DNAH11: variants seen among roughly 807,000 people sequenced by gnomAD.
The protein encoded by DNAH11 is axonemal beta dynein heavy chain 11.
A neutral mutation model predicts 526.0 loss-of-function variants in DNAH11; 442 were observed. The observed-to-expected ratio is 0.84, with a 90% CI of 0.78 to 0.91. DNAH11 has a LOEUF of 0.91. DNAH11 is among the 40% of genes least tolerant of loss of function. The probability of loss-of-function intolerance (pLI) is 0.00; values close to 1 mark genes in which losing one functional copy is unlikely to be tolerated. For missense variants in DNAH11, 6,989 were observed against 5,448.7 expected, an observed-to-expected ratio of 1.28 and a Z score of -8.90; for synonymous variants, 2,461 against 1,935.9, an observed-to-expected ratio of 1.27 and a Z score of -7.12.
intron 8 of DNAH11, among the ~76,000 whole-genome samples, chr7:21,580,267 T>C (rs1784260317): frequency 6.6e-6 from 1 of 152,240 alleles, no homozygotes; most frequent in South Asian, 2.1e-4. Context: ...TCTATTACTA[T>C]ACTAAGAAGA....
chr7:21,844,564 C>T (rs1307842004), intron 66 of DNAH11, among the ~76,000 whole-genome samples: 1 of 152,218 alleles, frequency 6.6e-6, no homozygotes, highest in Non-Finnish European at 1.5e-5. Context: ...TATTTATTAT[C>T]TGGCCCTTTC....
chr7:21,606,224 G>C (rs778632475), intron 18 of DNAH11, among the ~76,000 whole-genome samples: 3 of 152,072 alleles, frequency 2.0e-5, no homozygotes, highest in Non-Finnish European at 4.4e-5. Context: ...TGGGGAGACT[G>C]AGCTGGGAGG....
At chr7:21,678,550 C>G (rs1400319641) in intron 30 of DNAH11, among the ~76,000 whole-genome samples, 1 of 151,552 alleles carries the variant, frequency 6.6e-6, no homozygotes, top group Non-Finnish European at 1.5e-5. Flanking sequence ...CTTGGTGATT[C>G]CATACAAATT....
At chr7:21,774,158 C>T (rs1312045679) in intron 56 of DNAH11, among the ~76,000 whole-genome samples, 159 bp downstream of exon 56, 3 of 152,144 alleles carry the variant, frequency 2.0e-5, no homozygotes, top group Non-Finnish European at 4.4e-5. Flanking sequence ...CTTTCAAAAG[C>T]CTACAATGGG....
At chr7:21,590,329 A>G (rs1320140349) in intron 12 of DNAH11, among the ~76,000 whole-genome samples, 4 of 152,160 alleles carry the variant, frequency 2.6e-5, no homozygotes, top group Admixed American at 6.5e-5. Context: ...TCTATTTACC[A>G]CCATGGGTAT....
chr7:21,653,202 G>C (rs955567546), intron 28 of DNAH11, among the ~76,000 whole-genome samples: 1 of 152,164 alleles, frequency 6.6e-6, no homozygotes, highest in Non-Finnish European at 1.5e-5. Flanking sequence ...GTTGTAAAAT[G>C]AAAGGCCTTT....
rs760409547 is a variant in DNAH11, at chr7:21,744,888, C to G, written c.8335C>G (p.Leu2779Val). 6.2e-7 allele frequency: 1 copy of G among 1,609,660 alleles called. No homozygotes were observed. ...CCTGCAGGGTATAGATAGTCACATG[C>G]TGCTTCAACAGCCCCTCATTTATTG... ...KYFEGIDSHM[L>V]LQQPLIYCHF... Residue 2779 changes from leucine (L) to valine (V), a missense_variant, in exon 51 of 82, where the codon CTG becomes GTG. Transcript: ENST00000409508.
At chr7:21,778,886 C>T in intron 56 of DNAH11, 72 bp from the exon 57 acceptor site, 1 of 1,536,070 alleles carries the variant, frequency 6.5e-7, no homozygotes, top group South Asian at 1.2e-5. Context: ...GAATTCATTC[C>T]CAGCAATAAG....
At chr7:21,582,073 C>T (rs1444099099) in intron 9 of DNAH11, 52 bp downstream of exon 9, 2 of 1,177,214 alleles carry the variant, frequency 1.7e-6, no homozygotes, top group Non-Finnish European at 2.5e-6. Context: ...ATAATATAGG[C>T]TGTTAAATGA....
chr7:21,574,663 A>C (rs1216140330), intron 8 of DNAH11, among the ~76,000 whole-genome samples: 1 of 149,678 alleles, frequency 6.7e-6, no homozygotes, highest in Non-Finnish European at 1.5e-5. Context: ...TCCTGGCTTC[A>C]AGTGATTCTT....
rs1786362266 is a variant in DNAH11 at position 21,750,362 on chromosome 7, A to T, written c.8938A>T (p.Lys2980Ter). The change falls in exon 54 of 82, where the codon AAA becomes TAA. Residue 2980 changes from lysine to a stop codon, truncating the protein, a stop_gained and splice_region_variant. Transcript: ENST00000409508. LOFTEE classifies it high-confidence loss of function. ...TATGGCCAGGGTGCGACTACAGCTC[A>T]AAGTAAGAAATACTTGCTTAATTTG... is the stretch of plus-strand genomic sequence containing the variant. ...FFMARVRLQLKIILCFSPVGR... is the reference protein window; with the variant it reads ...FFMARVRLQL 1 of 1,599,638 alleles carries T rather than the reference A, an allele frequency of 6.3e-7. No individual in the cohort carries two copies. Among genetic ancestry groups the T allele is most frequent in the Non-Finnish European group, 8.5e-7 (1 of 1,172,922 alleles).
intron 40 of DNAH11, among the ~76,000 whole-genome samples, chr7:21,708,110 C>T (rs1204282453): frequency 6.6e-6 from 1 of 152,184 alleles, no homozygotes; most frequent in Non-Finnish European, 1.5e-5. Flanking sequence ...GTGAAGTCAA[C>T]ATGAATGCCT....
At chr7:21,679,748 T>A (rs1462971002) in intron 30 of DNAH11, among the ~76,000 whole-genome samples, 1 of 152,208 alleles carries the variant, frequency 6.6e-6, no homozygotes, top group Non-Finnish European at 1.5e-5. Context: ...TTGTGATGAA[T>A]CTGAAGTCAG....
chr7:21,730,760 A>G (rs116567607), intron 45 of DNAH11, among the ~76,000 whole-genome samples: 3,108 of 152,300 alleles, frequency 0.02, 111 homozygotes, highest in African/African-American at 0.07. Context: ...CAAGAGATCT[A>G]TCGTACATGG....
intron 44 of DNAH11, among the ~76,000 whole-genome samples, chr7:21,722,298 G>A (rs550300787): frequency 6.6e-6 from 1 of 152,280 alleles, no homozygotes; most frequent in East Asian, 1.9e-4. Context: ...TTCTCCAAAA[G>A]CCACACCTTC....
chr7:21,608,959 T>C (rs1274688081), intron 20 of DNAH11, among the ~76,000 whole-genome samples: 1 of 152,200 alleles, frequency 6.6e-6, no homozygotes, highest in Non-Finnish European at 1.5e-5. Context: ...CTAGTTAGAC[T>C]CAGTGAAAGG....
chr7:21,823,311 C>T (rs1790134948), intron 65 of DNAH11, among the ~76,000 whole-genome samples: 4 of 152,176 alleles, frequency 2.6e-5, no homozygotes, highest in South Asian at 4.2e-4. Context: ...TTTGTTTCCC[C>T]ATCAATGTTT....
intron 47 of DNAH11, among the ~76,000 whole-genome samples, 181 bp downstream of exon 47, chr7:21,739,047 T>C (rs1430336081): frequency 6.6e-6 from 1 of 152,216 alleles, no homozygotes; most frequent in African/African-American, 2.4e-5. Context: ...TGTATCTCTT[T>C]TCATCATATT....
At chr7:21,597,659 G>T (rs893312826) in intron 14 of DNAH11, among the ~76,000 whole-genome samples, 2 of 152,120 alleles carry the variant, frequency 1.3e-5, no homozygotes, top group Admixed American at 6.5e-5. Flanking sequence ...CAAGCGGGGG[G>T]TTGGGGCAGG....
Sources: allele counts gnomAD v4.1 joint callset (sites outside exome capture counted in the v4.1 genomes callset), GRCh38; gene constraint gnomAD v4.1.1; transcripts MANE v1.5; gene names NCBI Gene and HGNC (gene_info 2026-07-23, HGNC 2026-07-21).